SMC2: variants seen among roughly 807,000 people sequenced by gnomAD.
SMC2 encodes structural maintenance of chromosomes protein 2.
SMC2 carries 41 observed loss-of-function variants against 142.6 expected under a neutral mutation model. The ratio of observed to expected loss-of-function variants is 0.29; its 90% CI spans 0.22 to 0.37. The LOEUF (loss-of-function observed/expected upper bound fraction) is 0.37, where lower values mean the gene tolerates loss of function less well. Among genes scored for constraint, SMC2 ranks in the 10% least tolerant of loss-of-function variants. The pLI is 1.00. For missense variants in SMC2, 1,265 were observed against 1,373.7 expected (o/e 0.92, Z 1.25); for synonymous variants, 463 against 457.5 (o/e 1.01, Z -0.15).
intron 3 of SMC2, among the ~76,000 whole-genome samples, chr9:104,096,839 TC>T (rs1192352976): frequency 5.3e-5 from 8 of 152,214 alleles, no homozygotes; most frequent in African/African-American, 1.7e-4. Context: ...TGTTCCTAGT[TC>T]CTTCACTTGC....
At chr9:104,137,196 T>G (rs1835643457) in intron 23 of SMC2, among the ~76,000 whole-genome samples, 1 of 152,178 alleles carries the variant, frequency 6.6e-6, no homozygotes, top group African/African-American at 2.4e-5. Context: ...TAGTACTGTA[T>G]GCCAGGATGT....
Position 104,139,522 on chromosome 9 carries a change from G to T in SMC2, c.*207G>T. 1 of 408,208 alleles carries T rather than the reference G, an allele frequency of 2.4e-6. No homozygotes were observed. 25.3% of individuals were successfully genotyped at this position (408,208 alleles called of 1,614,324 possible). ...TAATTATGGTCCAATTATTGTGGTT[G>T]TGATTTTATGCATATCATCAAATGT... On this transcript the variant is annotated 3_prime_UTR_variant, in exon 25 of 25. Transcript: ENST00000374793.
chr9:104,120,673 C>A (rs1360629973), intron 16 of SMC2, among the ~76,000 whole-genome samples: 1 of 152,168 alleles, frequency 6.6e-6, no homozygotes, highest in South Asian at 2.1e-4. Flanking sequence ...TGTTTCCTTA[C>A]AGTATTTCTT....
At chr9:104,126,469 A>C (rs10820607) in intron 18 of SMC2, among the ~76,000 whole-genome samples, 172 bp from the exon 19 acceptor site, 55,674 of 150,768 alleles carry the variant, frequency 0.37, 10,573 homozygotes, top group Middle Eastern at 0.43. Flanking sequence ...ATATAGGAAA[A>C]TAAACTTCCT....
Position 104,129,707 on chromosome 9 carries a change from C to G in SMC2, c.2853C>G (p.Pro951=). The part of the protein sequence containing the change: ...INAERHLFGQ[P]NSAYDFKTNN... Reference sequence around the variant, plus strand: ...CAGAGAGACACCTCTTTGGCCAACCCAATAGTGCCTATGATTTCAAAACTA... The same window carrying G: ...CAGAGAGACACCTCTTTGGCCAACCGAATAGTGCCTATGATTTCAAAACTA... Residue 951 remains proline, a synonymous_variant, in exon 21 of 25, where the codon CCC becomes CCG. Transcript: ENST00000374793. 1.2e-6 allele frequency: 2 copies of G among 1,613,884 alleles called. No homozygotes were observed. Among genetic ancestry groups the G allele is most frequent in the Non-Finnish European group, 1.7e-6 (2 of 1,179,874 alleles).
Position 104,139,259 on chromosome 9 carries a change from T to C in SMC2, c.3538T>C (p.Ser1180Pro). ...RFTQCQNGKI[S>P]KEAKSKAKPP... ...TACTCAATGTCAAAATGGAAAGATTTCAAAGGAAGCAAAATCCAAGGCAAA... is the reference window on the plus strand; with the variant it reads ...TACTCAATGTCAAAATGGAAAGATTCCAAAGGAAGCAAAATCCAAGGCAAA... The change falls in exon 25 of 25, where the codon TCA (serine) becomes CCA (proline). Residue 1180 changes from serine to proline, a missense_variant. Physicochemically the swap from Ser to Pro is moderately conservative, Grantham distance 74. Around this residue, in one of 4 missense-constraint regions of SMC2, gnomAD observed 192 missense variants for 261.9 expected, o/e 0.73. Coordinates refer to ENST00000374793, the MANE Select transcript of SMC2 (RefSeq NM_006444.3). 1 of 1,601,664 alleles carries C rather than the reference T, an allele frequency of 6.2e-7. No individual in the cohort carries two copies. Among genetic ancestry groups the C allele is most frequent in the Non-Finnish European group, 8.5e-7 (1 of 1,175,982 alleles).
chr9:104,098,287 C>T (rs2274724), intron 3 of SMC2, among the ~76,000 whole-genome samples, 159 bp from the exon 4 acceptor site: 90,067 of 152,048 alleles, frequency 0.59, 28,133 homozygotes, highest in African/African-American at 0.75. Context: ...CTCAAGTTAG[C>T]GTTTTTGACC....
rs946490328 is a variant in SMC2 at position 104,140,746 on chromosome 9, G to A, written c.*1431G>A. On this transcript the variant is annotated 3_prime_UTR_variant, in exon 25 of 25. Coordinates refer to ENST00000374793, the MANE Select transcript of SMC2 (RefSeq NM_006444.3). ...ATAGTTTTTTTGTTTCCTTTCAAATGTATTACAGACTGTGCCAAAACAGTT... is the reference window on the plus strand; with the variant it reads ...ATAGTTTTTTTGTTTCCTTTCAAATATATTACAGACTGTGCCAAAACAGTT... 1.4e-4 allele frequency: 21 copies of A among 152,666 alleles called. No individual in the cohort carries two copies. Among genetic ancestry groups the A allele is most frequent in the African/African-American group, 4.8e-4 (20 of 41,546 alleles). 9.5% of individuals were successfully genotyped at this position (152,666 alleles called of 1,614,324 possible).
At position 104,094,370 on chromosome 9, in the gene SMC2, T is replaced by G. The variant is rs1427846274; in HGVS notation, c.-169T>G. On this transcript the variant is annotated 5_prime_UTR_variant, in exon 1 of 25. An upstream start codon of the reference 5' UTR is lost. Coordinates refer to ENST00000374793, the MANE Select transcript of SMC2 (RefSeq NM_006444.3). Reference sequence around the variant, plus strand: ...GGTGTGGCAGGTGTTGTAGCCGCTATGGTGAAGTTCGCTTTGTAGCGGCCC... The same window carrying G: ...GGTGTGGCAGGTGTTGTAGCCGCTAGGGTGAAGTTCGCTTTGTAGCGGCCC... 2 of 398,674 alleles carry G rather than the reference T, an allele frequency of 5.0e-6. No homozygotes were observed. The highest frequency in any genetic ancestry group is 8.8e-6 in the Non-Finnish European group (2 of 226,216). 24.7% of individuals were successfully genotyped at this position (398,674 alleles called of 1,614,324 possible). A position where few individuals can be genotyped will look rare whatever the true frequency, so the allele number is the denominator to read the frequency against.
At chr9:104,091,175 TTC>T (rs1829977557), upstream of SMC2, among the ~76,000 whole-genome samples, 1 of 152,198 alleles carries the variant, frequency 6.6e-6, no homozygotes, top group Non-Finnish European at 1.5e-5. Context: ...ACGAGATACG[TTC>T]TGAGAAACGC....
chr9:104,113,023 C>CAGTT (rs1694385509), intron 10 of SMC2, among the ~76,000 whole-genome samples: 1 of 152,066 alleles, frequency 6.6e-6, no homozygotes, highest in Admixed American at 6.6e-5. Context: ...CAGCTACTGA[C>CAGTT]AGTTATTCGA....
In SMC2 at chr9:104,118,312, A is replaced by C. The variant is rs746877120; in HGVS notation, c.1933A>C (p.Ile645Leu). ...CAAAAAAGTGGCCTTTGATAAGAGG[A>C]TAATGACTAGAACTGTAACTCTCGG... ...NAKKVAFDKR[I>L]MTRTVTLGGD... Residue 645 changes from isoleucine (I) to leucine (L), a missense_variant, in exon 15 of 25, where the codon ATA becomes CTA. Around this residue, in one of 4 missense-constraint regions of SMC2, gnomAD observed 898 missense variants for 904.2 expected, o/e 0.99. Coordinates refer to ENST00000374793, the MANE Select transcript of SMC2 (RefSeq NM_006444.3). 1 of 1,613,674 alleles carries C rather than the reference A, an allele frequency of 6.2e-7. No homozygotes were observed. The highest frequency in any genetic ancestry group is 2.2e-5 in the East Asian group (1 of 44,872).
At chr9:104,090,599 A>G (rs1829971761), upstream of SMC2, among the ~76,000 whole-genome samples, 1 of 152,210 alleles carries the variant, frequency 6.6e-6, no homozygotes, top group African/African-American at 2.4e-5. Context: ...ATAATTCAGG[A>G]GCCACAAACT....
intron 7 of SMC2, among the ~76,000 whole-genome samples, chr9:104,101,126 GGTTTCTCATT>G (rs1323168196): frequency 6.6e-6 from 1 of 151,984 alleles, no homozygotes; most frequent in African/African-American, 2.4e-5. Context: ...GTAGAGACAG[GGTTTCTCATT>G]GTTTCTCAGG....
intron 13 of SMC2, among the ~76,000 whole-genome samples, chr9:104,115,668 C>T (rs1241682094): frequency 6.6e-6 from 1 of 152,038 alleles, no homozygotes; most frequent in East Asian, 1.9e-4. Context: ...GACATATTAA[C>T]ATAGCCATTC....
chr9:104,095,539 C>T lies in SMC2; in HGVS notation c.155C>T (p.Ser52Phe), dbSNP rs1367549584. 1.2e-6 allele frequency: 2 copies of T among 1,613,588 alleles called. No homozygotes were observed. Among genetic ancestry groups the T allele is most frequent in the Non-Finnish European group, 1.7e-6 (2 of 1,179,528 alleles). The change falls in exon 2 of 25, where the codon TCC becomes TTC. Residue 52 changes from serine (S) to phenylalanine (F), a missense_variant. Coordinates refer to ENST00000374793, the MANE Select transcript of SMC2 (RefSeq NM_006444.3). ...LDSICFLLGISNLSQVRASNL... is the reference protein window; with the variant it reads ...LDSICFLLGIFNLSQVRASNL... ...TCCATCTGCTTTTTGCTGGGCATCT[C>T]CAACCTGTCTCAGGTAAAGTGTAAA...
At chr9:104,101,082 T>C (rs1188125995) in intron 7 of SMC2, among the ~76,000 whole-genome samples, 1 of 152,016 alleles carries the variant, frequency 6.6e-6, no homozygotes, top group Non-Finnish European at 1.5e-5. Flanking sequence ...GGACTACAGG[T>C]GCATGCCACC....
At chr9:104,113,269 C>T in intron 10 of SMC2, 47 bp from the exon 11 acceptor site, 1 of 1,475,946 alleles carries the variant, frequency 6.8e-7, no homozygotes, top group Non-Finnish European at 9.1e-7. Flanking sequence ...ATTACTAGCA[C>T]TGTCTGCCTC....
At chr9:104,094,242 G>T (rs1830188715), upstream of SMC2, 1 of 397,572 alleles carries the variant, frequency 2.5e-6, no homozygotes, top group African/African-American at 2.1e-5. Flanking sequence ...CTAAAGACAG[G>T]CAGCTCCTAG....
Sources: allele counts gnomAD v4.1 joint callset (sites outside exome capture counted in the v4.1 genomes callset), GRCh38; gene constraint gnomAD v4.1.1; regional missense constraint gnomAD v4.1.1; transcripts MANE v1.5; gene names NCBI Gene and HGNC (gene_info 2026-07-23, HGNC 2026-07-21).